The following ARL15 variants were observed in gnomAD, a reference collection of about 807,000 sequenced individuals.
The protein encoded by ARL15 is ARF like GTPase 15.
A neutral mutation model predicts 25.2 loss-of-function variants in ARL15; 19 were observed. The observed-to-expected ratio is 0.75, with a 90% CI of 0.53 to 1.10. ARL15 has a LOEUF of 1.10. Ranked by LOEUF, ARL15 falls within the 50% of genes least tolerant of loss-of-function variation. ARL15 has a pLI of 0.00. For missense variants in ARL15, 220 were observed against 246.0 expected (o/e 0.89, Z 0.71); for synonymous variants, 94 against 86.8 (o/e 1.08, Z -0.46).
chr5:53,923,907 C>T (rs1327274229), intron 4 of ARL15, among the ~76,000 whole-genome samples: 2 of 152,088 alleles, frequency 1.3e-5, no homozygotes, highest in East Asian at 3.9e-4. Flanking sequence ...GACTATTTTT[C>T]AGACCAAGTA....
intron 1 of ARL15, among the ~76,000 whole-genome samples, chr5:54,215,452 T>C (rs1353401895): frequency 6.6e-6 from 1 of 152,136 alleles, no homozygotes; most frequent in Non-Finnish European, 1.5e-5. Flanking sequence ...CATCTGGATA[T>C]GGCAATAAGC....
At chr5:54,231,907 G>A (rs1348889754) in intron 1 of ARL15, among the ~76,000 whole-genome samples, 1 of 152,144 alleles carries the variant, frequency 6.6e-6, no homozygotes, top group Non-Finnish European at 1.5e-5. Flanking sequence ...CTGGGGGACA[G>A]AGCCTCAACA....
intron 4 of ARL15, among the ~76,000 whole-genome samples, chr5:54,069,463 C>T (rs10059608): frequency 0.28 from 41,008 of 147,398 alleles, 7,242 homozygotes; most frequent in African/African-American, 0.52. Context: ...CCCAGCTACT[C>T]GGGAGGCTTA....
At chr5:53,938,359 T>TA (rs1746419658) in intron 4 of ARL15, among the ~76,000 whole-genome samples, 1 of 152,242 alleles carries the variant, frequency 6.6e-6, no homozygotes, top group South Asian at 2.1e-4. Flanking sequence ...GGAACTTCCC[T>TA]ACCACATGTC....
chr5:53,890,420 T>A (rs1744674598), intron 4 of ARL15, among the ~76,000 whole-genome samples: 3 of 152,220 alleles, frequency 2.0e-5, no homozygotes, highest in Admixed American at 2.0e-4. Context: ...ATCTTAAAAA[T>A]GACTGAAGAG....
chr5:54,088,809 A>G (rs1387723539), intron 4 of ARL15, among the ~76,000 whole-genome samples: 14 of 152,348 alleles, frequency 9.2e-5, no homozygotes, highest in Admixed American at 9.1e-4. Context: ...AGCCTTGGCA[A>G]TCAAGTAGTT....
chr5:54,240,071 C>CA (rs1554049790), intron 1 of ARL15, among the ~76,000 whole-genome samples: 1 of 151,588 alleles, frequency 6.6e-6, no homozygotes, highest in African/African-American at 2.4e-5. Flanking sequence ...ACTAAAAATA[C>CA]AAAAAATTAG....
At chr5:53,970,193 A>G (rs963507649) in intron 4 of ARL15, among the ~76,000 whole-genome samples, 6 of 152,332 alleles carry the variant, frequency 3.9e-5, no homozygotes, top group Non-Finnish European at 7.3e-5. Context: ...AAGATAGCCA[A>G]TGAAAACAGA....
At chr5:54,029,148 T>A (rs1749881672) in intron 4 of ARL15, among the ~76,000 whole-genome samples, 1 of 152,188 alleles carries the variant, frequency 6.6e-6, no homozygotes, top group South Asian at 2.1e-4. Context: ...GTCTTTTACT[T>A]GCCCTATAAC....
At chr5:54,155,680 T>TCACACACA (rs58416810) in intron 2 of ARL15, among the ~76,000 whole-genome samples, 12,389 of 149,894 alleles carry the variant, frequency 0.083, 552 homozygotes, top group Middle Eastern at 0.14. Context: ...ATATACCCAT[T>TCACACACA]CACACACACA....
chr5:53,938,873 C>T (rs1206294582), intron 4 of ARL15, among the ~76,000 whole-genome samples: 4 of 152,074 alleles, frequency 2.6e-5, no homozygotes, highest in African/African-American at 9.7e-5. Context: ...AAATGCAATT[C>T]TTATCGGTGT....
intron 4 of ARL15, among the ~76,000 whole-genome samples, chr5:54,076,892 C>G (rs563658846): frequency 2.0e-4 from 31 of 152,106 alleles, no homozygotes; most frequent in Non-Finnish European, 3.7e-4. Context: ...AGGCCTCCAA[C>G]CACTGGACCA....
At chr5:53,931,330 G>A (rs1746189671) in intron 4 of ARL15, among the ~76,000 whole-genome samples, 1 of 152,182 alleles carries the variant, frequency 6.6e-6, no homozygotes, top group Non-Finnish European at 1.5e-5. Flanking sequence ...TAGAAAAGAT[G>A]TACGTAGGAC....
intron 4 of ARL15, among the ~76,000 whole-genome samples, chr5:53,935,774 G>A (rs1438861534): frequency 6.6e-6 from 1 of 152,126 alleles, no homozygotes; most frequent in Non-Finnish European, 1.5e-5. Flanking sequence ...TTTTGTTTGA[G>A]ACTCAGTCTC....
intron 4 of ARL15, among the ~76,000 whole-genome samples, chr5:54,086,102 C>A (rs923186266): frequency 6.7e-6 from 1 of 150,348 alleles, no homozygotes; most frequent in Non-Finnish European, 1.5e-5. Flanking sequence ...TTAGTAGAGA[C>A]GGGGTTTCTC....
chr5:54,307,250 G>C (rs1758780440), intron 1 of ARL15, among the ~76,000 whole-genome samples: 1 of 152,156 alleles, frequency 6.6e-6, no homozygotes, highest in Non-Finnish European at 1.5e-5. Flanking sequence ...CAAGTTAAGA[G>C]TAAAGGATAC....
intron 4 of ARL15, among the ~76,000 whole-genome samples, chr5:54,029,322 ACCACCACCACTACCAC>A (rs1561194982): frequency 1.8e-4 from 21 of 118,280 alleles, no homozygotes; most frequent in South Asian, 1.1e-3. Context: ...CACCACCACC[ACCACCACCACTACCAC>A]CACCACCACC....
At chr5:54,118,491 A>G (rs1752975658) in intron 3 of ARL15, among the ~76,000 whole-genome samples, 2 of 152,184 alleles carry the variant, frequency 1.3e-5, no homozygotes. Flanking sequence ...AATTTTTAAC[A>G]TGGCTTTAAT....
In ARL15 at chr5:54,308,513, A is replaced by C. The variant is rs192886954; in HGVS notation, c.48+1919T>G. Among the ~76,000 whole-genome samples, 9 of 152,356 alleles carry C rather than the reference A, an allele frequency of 5.9e-5. No individual in the cohort carries two copies. The East Asian group carries it at 1.7e-3, about 29-fold the overall frequency. On this transcript the variant is annotated intron_variant, in intron 1 of 4. Coordinates refer to ENST00000504924, the MANE Select transcript of ARL15 (RefSeq NM_019087.3). The stretch of plus-strand genomic sequence containing the variant: ...ACACAAAGCTGTTAGTAAATTGGCA[A>C]AGAAATTAATCTGCTTTTAGGGTAA...
Sources: gnomAD v4.1 joint callset for allele counts (sites outside exome capture counted in the v4.1 genomes callset) on GRCh38, gnomAD v4.1.1 for gene constraint, MANE v1.5 for transcripts, NCBI Gene and HGNC (gene_info 2026-07-23, HGNC 2026-07-21) for gene names.